The following BRCA2 variants were observed in gnomAD, a reference collection of about 807,000 sequenced individuals.
The protein encoded by BRCA2 is BRCA2 DNA repair associated, also known as breast cancer type 2 susceptibility protein.
In BRCA2, 203 loss-of-function variants were observed where a neutral mutation model predicts 276.7. The observed-to-expected ratio is 0.73, with a 90% CI of 0.65 to 0.82. BRCA2 has a LOEUF of 0.82. Ranked by LOEUF, BRCA2 falls within the 40% of genes least tolerant of loss-of-function variation. The pLI, the probability that BRCA2 is intolerant of heterozygous loss-of-function variation, is 0.00. For missense variants in BRCA2, 3,920 were observed against 3,915.0 expected (o/e 1.00, Z -0.03); for synonymous variants, 1,289 against 1,338.4 (o/e 0.96, Z 0.81).
At position 32,397,956 on chromosome 13, in the gene BRCA2, T is replaced by G. The variant is rs11571829; in HGVS notation, c.9649-206T>G. Among the ~76,000 whole-genome samples the G allele has an allele frequency of 7.9e-5, 12 of 152,350 alleles. No homozygotes were observed. The East Asian group carries it at 2.3e-3, about 29-fold the overall frequency. ...TATTCTTCATCTTCCTTCCTTTTCA[T>G]GTCATTTTATATGTTCTTATGTAAA... is the stretch of plus-strand genomic sequence containing the variant. On this transcript the variant is annotated intron_variant, in intron 26 of 26. Transcript: ENST00000380152.
chr13:32,340,249 T>G lies in BRCA2; in HGVS notation c.5894T>G (p.Leu1965Arg). ...ATATGTAAATGTAGTATAGGGAAGCTTCATAAGTCAGTCTCATCTGCAAAT... is the reference window on the plus strand; with the variant it reads ...ATATGTAAATGTAGTATAGGGAAGCGTCATAAGTCAGTCTCATCTGCAAAT... ...SDICKCSIGK[L>R]HKSVSSANTC... Residue 1965 changes from leucine to arginine, a missense_variant, in exon 11 of 27, where the codon CTT (leucine) becomes CGT (arginine). Leu to Arg is a moderately radical substitution (Grantham distance 102). Coordinates refer to ENST00000380152, the MANE Select transcript of BRCA2 (RefSeq NM_000059.4). The G allele has an allele frequency of 6.2e-7, 1 of 1,613,992 alleles. No homozygotes were observed. Among genetic ancestry groups the G allele is most frequent in the Non-Finnish European group, 8.5e-7 (1 of 1,179,926 alleles).
intron 19 of BRCA2, 141 bp from the exon 20 acceptor site, chr13:32,370,815 A>T (rs531751472): frequency 2.7e-6 from 3 of 1,101,426 alleles, no homozygotes; most frequent in African/African-American, 1.6e-5. Flanking sequence ...CTGATCTCGA[A>T]CTCCTGACCT....
chr13:32,322,830 CA>C (rs1259291301), intron 3 of BRCA2, among the ~76,000 whole-genome samples: 1 of 152,194 alleles, frequency 6.6e-6, no homozygotes, highest in African/African-American at 2.4e-5. Flanking sequence ...TATTGAAGGA[CA>C]TCTTGATTGC....
chr13:32,354,324 G>A (rs1476672839), intron 13 of BRCA2, among the ~76,000 whole-genome samples: 1 of 152,186 alleles, frequency 6.6e-6, no homozygotes, highest in Non-Finnish European at 1.5e-5. Flanking sequence ...TGACTGTGGA[G>A]TGTAACAGTG....
At position 32,398,786 on chromosome 13, in the gene BRCA2, A is replaced by G. The variant is rs960393322; in HGVS notation, c.*16A>G. 6.2e-7 allele frequency: 1 copy of G among 1,612,602 alleles called. No homozygotes were observed. Among genetic ancestry groups the G allele is most frequent in the Non-Finnish European group, 8.5e-7 (1 of 1,179,552 alleles). ...ATATATCTAAGCATTTGCAAAGGCGACAATAAATTATTGACGCTTAACCTT... is the reference window on the plus strand; with the variant it reads ...ATATATCTAAGCATTTGCAAAGGCGGCAATAAATTATTGACGCTTAACCTT... On this transcript the variant is annotated 3_prime_UTR_variant, in exon 27 of 27. Coordinates refer to ENST00000380152, the MANE Select transcript of BRCA2 (RefSeq NM_000059.4).
intron 13 of BRCA2, among the ~76,000 whole-genome samples, chr13:32,348,870 A>C (rs912220706): frequency 3.3e-5 from 5 of 152,204 alleles, no homozygotes; most frequent in African/African-American, 1.2e-4. Context: ...GTTTGCCTTC[A>C]AGATAAAAAT....
At chr13:32,397,432 T>G (rs1189273470) in intron 26 of BRCA2, among the ~76,000 whole-genome samples, 2 of 152,256 alleles carry the variant, frequency 1.3e-5, no homozygotes, top group Non-Finnish European at 1.5e-5. Context: ...CTTAAATAGC[T>G]AATACTTGCT....
chr13:32,327,316 C>G (rs770023950), intron 7 of BRCA2, among the ~76,000 whole-genome samples: 1 of 152,082 alleles, frequency 6.6e-6, no homozygotes, highest in Non-Finnish European at 1.5e-5. Context: ...GGTGTGGTAA[C>G]ACACACCTGT....
chr13:32,326,268 C>G lies in BRCA2; in HGVS notation c.502C>G (p.Pro168Ala), dbSNP rs80358726. 6.2e-7 allele frequency: 1 copy of G among 1,613,268 alleles called. No homozygotes were observed. The highest frequency in any genetic ancestry group is 1.7e-4 in the Middle Eastern group (1 of 6,018). Residue 168 changes from proline (P) to alanine (A), a missense_variant, in exon 6 of 27, where the codon CCA becomes GCA. By Grantham distance (27) the Pro-to-Ala change is conservative. This residue lies in a region of BRCA2 where 3,263 missense variants were observed against 3,156.9 expected (regional missense o/e 1.03). Transcript: ENST00000380152. ...SVVCGSLFHT[P>A]KFVKGRQTPK... is the part of the protein sequence containing the mutation. ...GGTATGTGGGAGTTTGTTTCATACA[C>G]CAAAGTTTGTGAAGGTAAATATTCT... is the stretch of plus-strand genomic sequence containing the variant.
chr13:32,329,444 CAG>C lies in BRCA2; in HGVS notation c.635_636del (p.Arg212LysfsTer2), dbSNP rs80359575. 1 of 1,593,988 alleles carries C rather than the reference CAG, an allele frequency of 6.3e-7. No individual in the cohort carries two copies. Among genetic ancestry groups the C allele is most frequent in the Non-Finnish European group, 8.6e-7 (1 of 1,164,160 alleles). On this transcript the variant is annotated frameshift_variant and splice_region_variant, in exon 8 of 27. Transcript: ENST00000380152. LOFTEE classifies it high-confidence loss of function. ...PTLSSTVLIV[R>X]NEEASETVFP... Reference sequence around the variant, plus strand: ...TACACATAAATTTTTATCTTACAGTCAGAAATGAAGAAGCATCTGAAACTGTA... The same window carrying C: ...TACACATAAATTTTTATCTTACAGTCAAATGAAGAAGCATCTGAAACTGTA...
rs761121756 is a variant in BRCA2 at position 32,363,171 on chromosome 13, A to G, written c.7977-8A>G. 1 of 1,610,134 alleles carries G rather than the reference A, an allele frequency of 6.2e-7. No individual in the cohort carries two copies. The highest frequency in any genetic ancestry group is 8.5e-7 in the Non-Finnish European group (1 of 1,177,268). Reference sequence around the variant, plus strand: ...TCCTAAAATATGCATTTTTGTTTTCACTTTTAGATATGATACGGAAATTGA... The same window carrying G: ...TCCTAAAATATGCATTTTTGTTTTCGCTTTTAGATATGATACGGAAATTGA... On this transcript the variant is annotated splice_polypyrimidine_tract_variant and splice_region_variant and intron_variant, in intron 17 of 26. Transcript: ENST00000380152.
At chr13:32,376,126 T>A (rs1285155851) in intron 20 of BRCA2, among the ~76,000 whole-genome samples, 2 of 152,114 alleles carry the variant, frequency 1.3e-5, no homozygotes, top group Admixed American at 6.6e-5. Flanking sequence ...TGAAATACAT[T>A]AAAACAAATA....
intron 18 of BRCA2, among the ~76,000 whole-genome samples, chr13:32,367,338 A>G (rs529023079): frequency 6.6e-6 from 1 of 152,104 alleles, no homozygotes; most frequent in Non-Finnish European, 1.5e-5. Context: ...TGGGAGGCTG[A>G]GGCAGGGAGA....
At chr13:32,342,723 T>C (rs554002281) in intron 11 of BRCA2, among the ~76,000 whole-genome samples, 1 of 152,282 alleles carries the variant, frequency 6.6e-6, no homozygotes, top group South Asian at 2.1e-4. Flanking sequence ...TATGTGAACA[T>C]AGAAAAGGTA....
At chr13:32,391,079 G>A (rs17077519) in intron 24 of BRCA2, among the ~76,000 whole-genome samples, 217 of 152,300 alleles carry the variant, frequency 1.4e-3, no homozygotes, top group African/African-American at 4.5e-3. Flanking sequence ...CAACATTTGA[G>A]AGTTGGGCTT....
In BRCA2 at chr13:32,338,120, A is replaced by T. The variant is rs41293483; in HGVS notation, c.3765A>T (p.Val1255=). The T allele has an allele frequency of 3.7e-6, 6 of 1,608,322 alleles. No homozygotes were observed. In the African/African-American group the frequency reaches 8.0e-5, roughly 22 times the overall value. ...TTAGTGAGGAAACTTCTGCAGAGGT[A>T]CATCCAATAAGTTTATCTTCAAGTA... ...ENISEETSAE[V]HPISLSSSKC... The change falls in exon 11 of 27, where the codon GTA becomes GTT. Residue 1255 remains valine, a synonymous_variant. Transcript: ENST00000380152.
intron 21 of BRCA2, among the ~76,000 whole-genome samples, chr13:32,379,017 C>T (rs2072892817): frequency 6.6e-6 from 1 of 152,192 alleles, no homozygotes; most frequent in Non-Finnish European, 1.5e-5. Context: ...ATTTACTACA[C>T]ATAGATCTAT....
At chr13:32,366,190 T>C (rs1365328272) in intron 18 of BRCA2, among the ~76,000 whole-genome samples, 2 of 152,190 alleles carry the variant, frequency 1.3e-5, no homozygotes, top group African/African-American at 4.8e-5. Context: ...TTCAAGTAAC[T>C]TAAAAAATGT....
intron 14 of BRCA2, among the ~76,000 whole-genome samples, chr13:32,355,584 G>C (rs1048109391): frequency 6.6e-6 from 1 of 152,168 alleles, no homozygotes; most frequent in East Asian, 1.9e-4. Flanking sequence ...AAATAGGGCC[G>C]GGCGTGGTGG....
Sources: allele counts gnomAD v4.1 joint callset (sites outside exome capture counted in the v4.1 genomes callset), GRCh38; gene constraint gnomAD v4.1.1; regional missense constraint gnomAD v4.1.1; transcripts MANE v1.5; gene names NCBI Gene and HGNC (gene_info 2026-07-23, HGNC 2026-07-21).